Variants in ZDHHC20 observed in about 807,000 individuals in gnomAD.
The protein encoded by ZDHHC20 is palmitoyltransferase ZDHHC20.
Under a neutral mutation model 57.8 loss-of-function variants are expected in ZDHHC20, and 43 were observed. That is an observed-to-expected ratio of 0.74 (90% CI 0.58 to 0.96). The LOEUF is 0.96. Among genes scored for constraint, ZDHHC20 ranks in the 40% least tolerant of loss-of-function variants. ZDHHC20 has a pLI of 0.00. For synonymous variants in ZDHHC20, 157 were observed against 153.0 expected, an observed-to-expected ratio of 1.03 and a Z score of -0.19; for missense variants, 391 against 441.1, an observed-to-expected ratio of 0.89 and a Z score of 1.02.
chr13:21,444,205 TAC>T (rs1883456229), intron 1 of ZDHHC20, among the ~76,000 whole-genome samples: 4 of 152,182 alleles, frequency 2.6e-5, no homozygotes, highest in Admixed American at 2.6e-4. Flanking sequence ...GAACCAGGAA[TAC>T]CTCACCTCCC....
At chr13:21,426,181 C>A (rs1481703771) in intron 1 of ZDHHC20, among the ~76,000 whole-genome samples, 1 of 152,178 alleles carries the variant, frequency 6.6e-6, no homozygotes, top group Non-Finnish European at 1.5e-5. Context: ...AGACTACGCA[C>A]AGAAAAGGTA....
chr13:21,453,357 T>A (rs1884633423), intron 1 of ZDHHC20, among the ~76,000 whole-genome samples: 1 of 152,146 alleles, frequency 6.6e-6, no homozygotes, highest in Non-Finnish European at 1.5e-5. Flanking sequence ...AAATCACAAT[T>A]ATAGTTATAC....
At chr13:21,382,217 T>C (rs887034465) in intron 10 of ZDHHC20, among the ~76,000 whole-genome samples, 1 of 152,218 alleles carries the variant, frequency 6.6e-6, no homozygotes, top group South Asian at 2.1e-4. Flanking sequence ...CCCTAACAAA[T>C]GTTAGAGCTC....
chr13:21,459,091 G>A lies in ZDHHC20; in HGVS notation c.81C>T (p.Val27=), dbSNP rs763070068. Residue 27 remains valine (V), a synonymous_variant, in exon 1 of 13, where the codon GTC becomes GTT. Coordinates refer to ENST00000400590, the MANE Select transcript of ZDHHC20 (RefSeq NM_001330059.2). The part of the protein sequence containing the change: ...VPVLFITFVV[V]WSYYAYVVEL... ...CCACCACGTACGCGTAGTAGGACCA[G>A]ACGACCACGAAGGTGATGAAGAGCA... The A allele has an allele frequency of 5.6e-6, 9 of 1,606,816 alleles. No individual in the cohort carries two copies. In the East Asian group the frequency reaches 2.0e-4, roughly 36 times the overall value.
At chr13:21,409,540 T>C (rs1004313972) in intron 4 of ZDHHC20, among the ~76,000 whole-genome samples, 1 of 152,214 alleles carries the variant, frequency 6.6e-6, no homozygotes, top group African/African-American at 2.4e-5. Flanking sequence ...ATTTTGTTAA[T>C]CTTTTTTAAA....
At chr13:21,413,440 G>A (rs949625584) in intron 4 of ZDHHC20, among the ~76,000 whole-genome samples, 7 of 151,928 alleles carry the variant, frequency 4.6e-5, no homozygotes, top group African/African-American at 1.5e-4. Context: ...ATATTAAAGC[G>A]GGCCCCTTAA....
rs893861411 is a variant in ZDHHC20 at position 21,387,533 on chromosome 13, A to G, written c.829T>C (p.Tyr277His). ...CTTGAAAATATTGGAAGTAGCCAATATTTCTTTTCATCACCAAAGACTTGT... is the reference window on the plus strand; with the variant it reads ...CTTGAAAATATTGGAAGTAGCCAATGTTTCTTTTCATCACCAAAGACTTGT... ...WRQVFGDEKK[Y>H]WLLPIFSSLG... Residue 277 changes from tyrosine (Y) to histidine (H), a missense_variant, in exon 9 of 13, where the codon TAT becomes CAT. This residue lies in a region of ZDHHC20 where 197 missense variants were observed against 220.8 expected (regional missense o/e 0.89). Transcript: ENST00000400590. The G allele has an allele frequency of 2.6e-6, 4 of 1,536,100 alleles. No individual in the cohort carries two copies. Among genetic ancestry groups the G allele is most frequent in the Non-Finnish European group, 3.5e-6 (4 of 1,139,312 alleles).
chr13:21,404,681 G>A (rs912168930), intron 4 of ZDHHC20, among the ~76,000 whole-genome samples: 51 of 151,880 alleles, frequency 3.4e-4, no homozygotes, highest in Non-Finnish European at 4.4e-4. Flanking sequence ...GTGAACGCAG[G>A]AGGCGGAGCT....
In ZDHHC20 at chr13:21,433,357, C is replaced by A. The variant is rs1882199023; in HGVS notation, c.119-7679G>T. The stretch of plus-strand genomic sequence containing the variant: ...ACAAGGCCAGGCATGGTGGCTCATG[C>A]CTGTAATCCCAGCACTTTGGGAGGC... On this transcript the variant is annotated intron_variant, in intron 1 of 12. Coordinates refer to ENST00000400590, the MANE Select transcript of ZDHHC20 (RefSeq NM_001330059.2). 1.3e-5 allele frequency among the ~76,000 whole-genome samples: 2 copies of A among 152,106 alleles called. 1 individual carries two copies. Among genetic ancestry groups the A allele is most frequent in the East Asian group, 3.9e-4 (2 of 5,192 alleles).
At chr13:21,387,397 G>T in intron 9 of ZDHHC20, 111 bp downstream of exon 9, 1 of 850,554 alleles carries the variant, frequency 1.2e-6, no homozygotes, top group Non-Finnish European at 1.6e-6. Context: ...CATTCTCAAA[G>T]TCTGTGAGAA....
chr13:21,379,825 C>CTTTTTTTTTTTTTTTTTTTTTTTT (rs56681468), intron 11 of ZDHHC20, among the ~76,000 whole-genome samples: 2 of 137,732 alleles, frequency 1.5e-5, no homozygotes, highest in South Asian at 2.3e-4. Context: ...TTTCTTTTTT[C>CTTTTTTTTTTTTTTTTTTTTTTTT]TTTTTTTTTG....
At chr13:21,447,280 C>T (rs1453801066) in intron 1 of ZDHHC20, among the ~76,000 whole-genome samples, 2 of 145,806 alleles carry the variant, frequency 1.4e-5, no homozygotes, top group Non-Finnish European at 3.0e-5. Flanking sequence ...TGTGAGCGCT[C>T]TCCCTCTCCC....
intron 1 of ZDHHC20, among the ~76,000 whole-genome samples, chr13:21,448,362 G>A (rs1884042352): frequency 8.5e-6 from 1 of 118,166 alleles, no homozygotes; most frequent in Non-Finnish European, 2.0e-5. Flanking sequence ...CGTCCGGGAG[G>A]GAGGTGGGGG....
At chr13:21,452,368 A>G (rs967979553) in intron 1 of ZDHHC20, among the ~76,000 whole-genome samples, 1 of 152,216 alleles carries the variant, frequency 6.6e-6, no homozygotes, top group Admixed American at 6.5e-5. Flanking sequence ...TGTCTCGATC[A>G]AGTTGTCTTT....
At chr13:21,385,212 T>G (rs1374922586) in intron 9 of ZDHHC20, among the ~76,000 whole-genome samples, 1 of 152,064 alleles carries the variant, frequency 6.6e-6, no homozygotes, top group East Asian at 1.9e-4. Context: ...GCGGATTGCT[T>G]GAGGCCAGGA....
chr13:21,413,362 GAAT>G (rs998542057), intron 4 of ZDHHC20, among the ~76,000 whole-genome samples: 2 of 151,694 alleles, frequency 1.3e-5, no homozygotes, highest in African/African-American at 4.8e-5. Context: ...AGTTTACTAA[GAAT>G]AATAATTAAA....
At chr13:21,424,583 T>TGCCTGTAGTCCCA (rs1005397134) in intron 2 of ZDHHC20, among the ~76,000 whole-genome samples, 3 of 151,800 alleles carry the variant, frequency 2.0e-5, no homozygotes, top group Admixed American at 6.6e-5. Context: ...TGGTGGCAGG[T>TGCCTGTAGTCCCA]GCCTGTAGTC....
At chr13:21,393,326 C>A (rs1876115615) in intron 7 of ZDHHC20, among the ~76,000 whole-genome samples, 1 of 151,904 alleles carries the variant, frequency 6.6e-6, no homozygotes, top group Non-Finnish European at 1.5e-5. Flanking sequence ...CATGGTGAAA[C>A]CCTGTCTCTA....
intron 1 of ZDHHC20, among the ~76,000 whole-genome samples, chr13:21,430,724 T>A (rs1362630974): frequency 6.6e-6 from 1 of 152,142 alleles, no homozygotes; most frequent in Non-Finnish European, 1.5e-5. Context: ...TTGGTCTGTA[T>A]TCATTGGTGT....
Sources: allele counts gnomAD v4.1 joint callset (sites outside exome capture counted in the v4.1 genomes callset), GRCh38; gene constraint gnomAD v4.1.1; regional missense constraint gnomAD v4.1.1; transcripts MANE v1.5; gene names NCBI Gene and HGNC (gene_info 2026-07-23, HGNC 2026-07-21).